Variants in FSHR observed in about 807,000 individuals in gnomAD.
FSHR encodes follicle-stimulating hormone receptor.
A neutral mutation model predicts 52.1 loss-of-function variants in FSHR; 46 were observed. That is an observed-to-expected ratio of 0.88 (90% CI 0.70 to 1.13). The LOEUF (loss-of-function observed/expected upper bound fraction) is 1.13. Among genes scored for constraint, FSHR ranks in the 50% most tolerant of loss-of-function variants. The pLI, the probability that FSHR is intolerant of heterozygous loss-of-function variation, is 0.00. For synonymous variants in FSHR, 399 were observed against 309.6 expected (o/e 1.29, Z -3.03); for missense variants, 964 against 834.6 (o/e 1.16, Z -1.91).
At chr2:49,130,477 C>G (rs1672224656) in intron 1 of FSHR, among the ~76,000 whole-genome samples, 1 of 152,200 alleles carries the variant, frequency 6.6e-6, no homozygotes, top group South Asian at 2.1e-4. Flanking sequence ...GCCATTCTGT[C>G]AGCCTAGAGA....
In FSHR at chr2:48,963,677, T is replaced by A; in HGVS notation, c.1144A>T (p.Ile382Leu). The change falls in exon 10 of 10, where the codon ATA (isoleucine) becomes TTA (leucine). Residue 382 changes from isoleucine (I) to leucine (L), a missense_variant. Ile to Leu is a conservative substitution (Grantham distance 5, BLOSUM62 2). Transcript: ENST00000406846. ...ISILAITGNI[I>L]VLVILTTSQY... Reference sequence around the variant, plus strand: ...CTGGTAGTTAGGATCACTAGCACTATGATGTTCCCAGTGATGGCCAGGATG... The same window carrying A: ...CTGGTAGTTAGGATCACTAGCACTAAGATGTTCCCAGTGATGGCCAGGATG... 2 of 1,614,150 alleles carry A rather than the reference T, an allele frequency of 1.2e-6. No individual in the cohort carries two copies. The highest frequency in any genetic ancestry group is 1.1e-5 in the South Asian group (1 of 91,084).
chr2:48,974,161 G>C (rs922874863), intron 8 of FSHR, among the ~76,000 whole-genome samples: 1 of 152,168 alleles, frequency 6.6e-6, no homozygotes, highest in Non-Finnish European at 1.5e-5. Context: ...TGCTTCTGCA[G>C]CAGGTAAGTA....
chr2:48,964,116 A>G (rs1573013304), intron 9 of FSHR, 150 bp from the exon 10 acceptor site: 8 of 681,374 alleles, frequency 1.2e-5, no homozygotes, highest in East Asian at 8.0e-5. Context: ...GGCTAACCTC[A>G]AGGGTTAATG....
intron 2 of FSHR, among the ~76,000 whole-genome samples, chr2:49,041,744 C>T (rs1379195286): frequency 6.6e-6 from 1 of 151,940 alleles, no homozygotes; most frequent in Non-Finnish European, 1.5e-5. Flanking sequence ...AGAAGACAGA[C>T]TCTCTCAGCC....
chr2:49,070,524 G>A (rs938072402), intron 1 of FSHR, among the ~76,000 whole-genome samples: 2 of 151,944 alleles, frequency 1.3e-5, no homozygotes, highest in East Asian at 1.9e-4. Flanking sequence ...TTTAAACTAC[G>A]CAACACTCTA....
At chr2:49,023,331 G>C (rs1351460259) in intron 2 of FSHR, among the ~76,000 whole-genome samples, 1 of 152,086 alleles carries the variant, frequency 6.6e-6, no homozygotes, top group African/African-American at 2.4e-5. Context: ...TATGTAGTTA[G>C]TGCCCAATAA....
chr2:49,094,835 A>T (rs1670761389), intron 1 of FSHR, among the ~76,000 whole-genome samples: 1 of 152,108 alleles, frequency 6.6e-6, no homozygotes, highest in South Asian at 2.1e-4. Flanking sequence ...CAATATAAAA[A>T]ATCAATAAAA....
At chr2:48,969,389 G>A (rs533478075) in intron 8 of FSHR, among the ~76,000 whole-genome samples, 3 of 152,214 alleles carry the variant, frequency 2.0e-5, no homozygotes, top group Non-Finnish European at 2.9e-5. Flanking sequence ...GGCAGTGTTA[G>A]CACAAAGTCC....
At chr2:49,043,826 C>T (rs759902228) in intron 2 of FSHR, among the ~76,000 whole-genome samples, 14 of 152,138 alleles carry the variant, frequency 9.2e-5, no homozygotes, top group Non-Finnish European at 1.9e-4. Context: ...GAGAAGACCT[C>T]GGATTCCCAT....
intron 1 of FSHR, among the ~76,000 whole-genome samples, chr2:49,129,566 A>G (rs974472261): frequency 2.0e-5 from 3 of 152,194 alleles, no homozygotes; most frequent in South Asian, 4.1e-4. Context: ...TGTGTACAAG[A>G]CAGGGAAATA....
chr2:49,038,083 G>A (rs1452318576), intron 2 of FSHR, among the ~76,000 whole-genome samples: 4 of 152,172 alleles, frequency 2.6e-5, no homozygotes, highest in African/African-American at 9.7e-5. Context: ...AGAGTTATGT[G>A]CTGAATAGAA....
intron 1 of FSHR, among the ~76,000 whole-genome samples, chr2:49,080,401 C>G (rs1572716346): frequency 6.6e-6 from 1 of 152,266 alleles, no homozygotes; most frequent in East Asian, 1.9e-4. Context: ...ATTACGGAAG[C>G]ATCATTACTA....
intron 2 of FSHR, among the ~76,000 whole-genome samples, chr2:49,052,533 T>C (rs62162081): frequency 0.14 from 20,942 of 152,248 alleles, 1,450 homozygotes; most frequent in Middle Eastern, 0.2. Context: ...CTGGAAGTGA[T>C]ACTTGGGTGT....
chr2:49,005,441 C>A (rs1428024470), intron 4 of FSHR, among the ~76,000 whole-genome samples: 2 of 152,080 alleles, frequency 1.3e-5, no homozygotes, highest in East Asian at 3.9e-4. Context: ...GTAGTCATGG[C>A]AACATCCTTA....
At chr2:49,069,892 GT>G (rs1179034375) in intron 1 of FSHR, among the ~76,000 whole-genome samples, 1 of 152,140 alleles carries the variant, frequency 6.6e-6, no homozygotes, top group Non-Finnish European at 1.5e-5. Flanking sequence ...GACTTGGATA[GT>G]TTCATAAATA....
rs562277309 is a variant in FSHR, at chr2:49,082,937, G to C, written c.153-14647C>G. 1.5e-3 allele frequency among the ~76,000 whole-genome samples: 231 copies of C among 152,014 alleles called. 2 individuals carry two copies. The highest frequency in any genetic ancestry group is 5.0e-3 in the African/African-American group (207 of 41,454). On this transcript the variant is annotated intron_variant, in intron 1 of 9. Transcript: ENST00000406846. ...AAACACTCTGCAGGATATTATCCAG[G>C]AGAACTTCCCCAATCGAGCAAGGCA...
chr2:48,965,226 C>T (rs1354934270), intron 9 of FSHR, among the ~76,000 whole-genome samples: 2 of 152,040 alleles, frequency 1.3e-5, no homozygotes, highest in Non-Finnish European at 2.9e-5. Flanking sequence ...GGTGTTCCAA[C>T]CTATTATACA....
At chr2:49,093,000 G>A (rs150950233) in intron 1 of FSHR, among the ~76,000 whole-genome samples, 5 of 152,144 alleles carry the variant, frequency 3.3e-5, no homozygotes, top group Non-Finnish European at 7.4e-5. Context: ...TTGCATTCTT[G>A]GAATAAACCC....
At chr2:49,047,624 T>C (rs1668709683) in intron 2 of FSHR, among the ~76,000 whole-genome samples, 3 of 152,232 alleles carry the variant, frequency 2.0e-5, no homozygotes, top group Admixed American at 6.5e-5. Context: ...ATCCTTTAGA[T>C]TGGGCATTAC....
Sources: gnomAD v4.1 joint callset for allele counts (sites outside exome capture counted in the v4.1 genomes callset) on GRCh38, gnomAD v4.1.1 for gene constraint, MANE v1.5 for transcripts, NCBI Gene and HGNC (gene_info 2026-07-23, HGNC 2026-07-21) for gene names.